RBMS3: variants seen among roughly 807,000 people sequenced by gnomAD.
RBMS3 encodes RNA-binding motif, single-stranded-interacting protein 3.
A neutral mutation model predicts 66.8 loss-of-function variants in RBMS3; 27 were observed. The ratio of observed to expected loss-of-function variants is 0.40; its 90% CI spans 0.30 to 0.56. The LOEUF is 0.56. Among genes scored for constraint, RBMS3 ranks in the 20% least tolerant of loss-of-function variants. RBMS3 has a pLI of 0.40. For missense variants in RBMS3, 513 were observed against 549.5 expected (o/e 0.93, Z 0.66); for synonymous variants, 188 against 183.0 (o/e 1.03, Z -0.22).
At chr3:29,682,165 G>A (rs1265665252) in intron 4 of RBMS3, among the ~76,000 whole-genome samples, 1 of 151,286 alleles carries the variant, frequency 6.6e-6, no homozygotes, top group African/African-American at 2.4e-5. Context: ...TGTTTGTTTT[G>A]AGTCGGAGTC....
chr3:29,899,989 T>TGA (rs10680172), intron 10 of RBMS3, among the ~76,000 whole-genome samples: 11,554 of 147,554 alleles, frequency 0.078, 440 homozygotes, highest in African/African-American at 0.1. Flanking sequence ...AGCAAGAGAG[T>TGA]GAGAGAGAGA....
At chr3:29,297,576 GA>G (rs1470659813) in intron 1 of RBMS3, among the ~76,000 whole-genome samples, 2 of 151,740 alleles carry the variant, frequency 1.3e-5, no homozygotes, top group Non-Finnish European at 2.9e-5. Flanking sequence ...CTTCTTACAT[GA>G]ATTTTCTTTA....
At chr3:29,979,974 T>C (rs371509529) in intron 12 of RBMS3, among the ~76,000 whole-genome samples, 1 of 152,160 alleles carries the variant, frequency 6.6e-6, no homozygotes, top group African/African-American at 2.4e-5. Flanking sequence ...CTGGGTCAAA[T>C]TGTATTTCTG....
intron 3 of RBMS3, among the ~76,000 whole-genome samples, chr3:29,556,692 G>T (rs370141029): frequency 2.0e-4 from 31 of 152,244 alleles, no homozygotes; most frequent in East Asian, 1.4e-3. Context: ...CAACTTTTAG[G>T]TCTTCTGTGA....
chr3:29,638,712 A>G (rs977958836), intron 4 of RBMS3, among the ~76,000 whole-genome samples: 3 of 151,866 alleles, frequency 2.0e-5, no homozygotes, highest in Non-Finnish European at 4.4e-5. Flanking sequence ...AAAGATCTGC[A>G]AGGAAGATAC....
In RBMS3 at chr3:29,613,060, G is replaced by A. The variant is rs562703868; in HGVS notation, c.399+25855G>A. 2.3e-4 allele frequency among the ~76,000 whole-genome samples: 35 copies of A among 152,176 alleles called. 1 individual carries two copies. In the South Asian group the frequency reaches 7.3e-3, roughly 32 times the overall value. ...TCGTGTGTGTATGACAGAGCTCCATGCTCAGTAGGGTCCCACACATGAACA... is the reference window on the plus strand; with the variant it reads ...TCGTGTGTGTATGACAGAGCTCCATACTCAGTAGGGTCCCACACATGAACA... On this transcript the variant is annotated intron_variant, in intron 4 of 14. Transcript: ENST00000383767.
intron 6 of RBMS3, among the ~76,000 whole-genome samples, chr3:29,868,590 C>A (rs531933203): frequency 1.1e-4 from 16 of 152,286 alleles, no homozygotes; most frequent in Middle Eastern, 3.4e-3. Flanking sequence ...TGCCTCTTTA[C>A]TTCTAAAACA....
At chr3:29,321,929 T>G (rs1418681090) in intron 1 of RBMS3, among the ~76,000 whole-genome samples, 1 of 151,936 alleles carries the variant, frequency 6.6e-6, no homozygotes, top group African/African-American at 2.4e-5. Flanking sequence ...GCATGTTTAG[T>G]GTGTTATTTA....
At chr3:29,653,846 G>A (rs1354442250) in intron 4 of RBMS3, among the ~76,000 whole-genome samples, 1 of 152,096 alleles carries the variant, frequency 6.6e-6, no homozygotes, top group Admixed American at 6.6e-5. Context: ...ACAATGTTAT[G>A]CTGAGGAAGA....
chr3:29,587,102 G>T lies in RBMS3; in HGVS notation c.308-12G>T. 1 of 1,595,042 alleles carries T rather than the reference G, an allele frequency of 6.3e-7. No individual in the cohort carries two copies. The highest frequency in any genetic ancestry group is 8.5e-7 in the Non-Finnish European group (1 of 1,170,204). ...TTGTGAATATTAACAAGGGGATTTT[G>T]TGTTTTCACAGGTTATGGTTTTGTA... On this transcript the variant is annotated splice_polypyrimidine_tract_variant and intron_variant, in intron 3 of 14. Transcript: ENST00000383767.
At chr3:29,647,125 G>A (rs532159031) in intron 4 of RBMS3, among the ~76,000 whole-genome samples, 20 of 152,110 alleles carry the variant, frequency 1.3e-4, no homozygotes, top group African/African-American at 4.3e-4. Context: ...CTACAGGCGC[G>A]TACCACCACA....
intron 1 of RBMS3, among the ~76,000 whole-genome samples, chr3:29,370,650 A>G (rs2038151969): frequency 6.6e-6 from 1 of 152,214 alleles, no homozygotes; most frequent in Non-Finnish European, 1.5e-5. Context: ...TATTAAATCA[A>G]CAAGGTTGCC....
chr3:29,411,433 C>A (rs896808712), intron 1 of RBMS3, among the ~76,000 whole-genome samples: 1 of 152,154 alleles, frequency 6.6e-6, no homozygotes, highest in Non-Finnish European at 1.5e-5. Context: ...AGAAATGATG[C>A]TTTTGATCAT....
intron 4 of RBMS3, among the ~76,000 whole-genome samples, chr3:29,659,376 A>G (rs1479501346): frequency 2.0e-5 from 3 of 152,104 alleles, no homozygotes; most frequent in African/African-American, 7.2e-5. Context: ...CCATTGAACA[A>G]TAATTCCCTA....
intron 2 of RBMS3, among the ~76,000 whole-genome samples, chr3:29,486,481 T>C (rs1354535732): frequency 1.1e-4 from 16 of 152,114 alleles, no homozygotes; most frequent in Admixed American, 1.0e-3. Flanking sequence ...AATAGTATGG[T>C]TTGCTTTTTT....
intron 3 of RBMS3, among the ~76,000 whole-genome samples, chr3:29,565,641 A>T (rs1667977422): frequency 6.6e-6 from 1 of 152,156 alleles, no homozygotes; most frequent in South Asian, 2.1e-4. Flanking sequence ...TGCTAACCTC[A>T]CCTTAAAATC....
chr3:29,549,358 C>T (rs1434476221), intron 3 of RBMS3, among the ~76,000 whole-genome samples: 1 of 150,870 alleles, frequency 6.6e-6, no homozygotes, highest in African/African-American at 2.4e-5. Context: ...TCATTTTGGG[C>T]TCAGAGGAAA....
intron 1 of RBMS3, among the ~76,000 whole-genome samples, chr3:29,337,920 C>T (rs1306861014): frequency 1.3e-5 from 2 of 152,116 alleles, no homozygotes; most frequent in Non-Finnish European, 2.9e-5. Context: ...TAGGAAAAAG[C>T]AGGTCACTTG....
chr3:29,932,316 A>G (rs1195650976), intron 10 of RBMS3, among the ~76,000 whole-genome samples: 1 of 152,222 alleles, frequency 6.6e-6, no homozygotes, highest in Non-Finnish European at 1.5e-5. Flanking sequence ...ATTCAAACAA[A>G]TAAATGAGAA....
Sources: gnomAD v4.1 joint callset for allele counts (sites outside exome capture counted in the v4.1 genomes callset) on GRCh38, gnomAD v4.1.1 for gene constraint, MANE v1.5 for transcripts, NCBI Gene and HGNC (gene_info 2026-07-23, HGNC 2026-07-21) for gene names.